Variants in GLIS3 observed in about 807,000 individuals in gnomAD.
The protein encoded by GLIS3 is zinc finger protein GLIS3.
In GLIS3, 53 loss-of-function variants were observed where a neutral mutation model predicts 78.6. That is an observed-to-expected ratio of 0.67 (90% confidence interval 0.54 to 0.85). The LOEUF is 0.85. Ranked by LOEUF, GLIS3 falls within the 40% of genes least tolerant of loss-of-function variation. The probability of loss-of-function intolerance (pLI) is 0.00; values close to 1 mark genes in which losing one functional copy is unlikely to be tolerated. For synonymous variants in GLIS3, 684 were observed against 509.9 expected, an observed-to-expected ratio of 1.34 and a Z score of -4.60; for missense variants, 1,703 against 1,231.1, an observed-to-expected ratio of 1.38 and a Z score of -5.74.
chr9:4,183,570 C>T (rs986822162), intron 2 of GLIS3, among the ~76,000 whole-genome samples: 2 of 152,150 alleles, frequency 1.3e-5, no homozygotes, highest in Non-Finnish European at 2.9e-5. Context: ...GCTGTGTGAC[C>T]TTATAAAGTC....
At chr9:4,057,367 T>A (rs1036991242) in intron 4 of GLIS3, among the ~76,000 whole-genome samples, 2 of 152,142 alleles carry the variant, frequency 1.3e-5, no homozygotes, top group Non-Finnish European at 2.9e-5. Flanking sequence ...AGGACTAAAT[T>A]CTCCCTGGGT....
chr9:3,921,564 G>A (rs1824889244), intron 6 of GLIS3, among the ~76,000 whole-genome samples: 1 of 152,158 alleles, frequency 6.6e-6, no homozygotes, highest in South Asian at 2.1e-4. Flanking sequence ...GGAATAATGA[G>A]TTGGCCTTTG....
the GLIS3 span, among the ~76,000 whole-genome samples, chr9:4,471,828 A>C: frequency 6.6e-6 from 1 of 152,174 alleles, no homozygotes; most frequent in Non-Finnish European, 1.5e-5. Flanking sequence ...CAACCTACAG[A>C]GTGGGAGAAA....
chr9:3,848,274 GTGGATCACC>G (rs1352853296), intron 9 of GLIS3, among the ~76,000 whole-genome samples: 1 of 152,206 alleles, frequency 6.6e-6, no homozygotes, highest in Admixed American at 6.5e-5. Context: ...GCCAAGGCAA[GTGGATCACC>G]TGGGCTCGGG....
the GLIS3 span, among the ~76,000 whole-genome samples, chr9:4,401,236 G>C: frequency 2.0e-5 from 3 of 152,014 alleles, no homozygotes; most frequent in African/African-American, 4.8e-5. Context: ...ACTGACAGAA[G>C]AGATCTTGGG....
chr9:4,036,722 T>C (rs554251621), intron 4 of GLIS3, among the ~76,000 whole-genome samples: 1 of 152,262 alleles, frequency 6.6e-6, no homozygotes, highest in African/African-American at 2.4e-5. Flanking sequence ...CCAAATTAAT[T>C]CCCACCATAG....
chr9:3,892,536 GGC>G (rs1436800254), intron 7 of GLIS3, among the ~76,000 whole-genome samples: 2 of 152,082 alleles, frequency 1.3e-5, no homozygotes, highest in East Asian at 3.9e-4. Context: ...TGTAAAATAT[GGC>G]AAGTAATATC....
the GLIS3 span, among the ~76,000 whole-genome samples, chr9:4,405,360 AAAAAG>A: frequency 2.4e-3 from 371 of 151,742 alleles, 3 homozygotes; most frequent in African/African-American, 8.4e-3. Flanking sequence ...ATCTTAAAAA[AAAAAG>A]AAAAAGAAAA....
chr9:4,173,561 TACACACACACACACACACACAC>T (rs34572625), intron 2 of GLIS3, among the ~76,000 whole-genome samples: 23 of 146,494 alleles, frequency 1.6e-4, no homozygotes, highest in East Asian at 4.1e-4. Context: ...TGTGTATAGA[TACACACACACACACACACACAC>T]ACACACACAC....
the GLIS3 span, among the ~76,000 whole-genome samples, chr9:4,414,574 G>A: frequency 2.0e-5 from 3 of 152,098 alleles, no homozygotes; most frequent in African/African-American, 7.2e-5. Flanking sequence ...GCCTGCTTCA[G>A]GATTGCCTGG....
In GLIS3 at chr9:4,207,643, C is replaced by T. The variant is rs566110114; in HGVS notation, c.388+78395G>A. Reference sequence around the variant, plus strand: ...TCTCCACAGCCCATACTATGTGTGACATAAGCATAATCGTACTCATTGTGC... The same window carrying T: ...TCTCCACAGCCCATACTATGTGTGATATAAGCATAATCGTACTCATTGTGC... On this transcript the variant is annotated intron_variant, in intron 2 of 10. Coordinates refer to ENST00000381971, the MANE Select transcript of GLIS3 (RefSeq NM_001042413.2). Among the ~76,000 whole-genome samples the T allele has an allele frequency of 1.1e-4, 16 of 152,282 alleles. No homozygotes were observed. In the East Asian group the frequency reaches 3.1e-3, roughly 29 times the overall value.
rs928056606 is a variant in GLIS3, at chr9:4,318,408, C to G, written n.265-7880G>C. On this transcript the variant is annotated intron_variant and non_coding_transcript_variant, in intron 2 of 4. Transcript: ENST00000471664. ...ACTAAAAGGAAGCACGGAGAAATGG[C>G]TGATTCCAGGACTAGGGCAGGGAAA... is the stretch of plus-strand genomic sequence containing the variant. Among the ~76,000 whole-genome samples the G allele has an allele frequency of 3.3e-5, 5 of 152,246 alleles. No individual in the cohort carries two copies. The South Asian group carries it at 8.3e-4, about 25-fold the overall frequency.
At chr9:3,837,532 T>C (rs1419833918) in intron 9 of GLIS3, among the ~76,000 whole-genome samples, 1 of 152,216 alleles carries the variant, frequency 6.6e-6, no homozygotes, top group African/African-American at 2.4e-5. Context: ...TTTCCTTCAG[T>C]AGGCAAACGA....
At chr9:3,993,622 G>A (rs1473879826) in intron 4 of GLIS3, among the ~76,000 whole-genome samples, 1 of 152,058 alleles carries the variant, frequency 6.6e-6, no homozygotes, top group East Asian at 1.9e-4. Context: ...GTCCACATAT[G>A]CCTACATATG....
chr9:3,959,846 C>T (rs931048807), intron 4 of GLIS3, among the ~76,000 whole-genome samples: 4 of 152,132 alleles, frequency 2.6e-5, no homozygotes, highest in East Asian at 3.9e-4. Context: ...TATGTGTGGT[C>T]CCTTTATAGA....
chr9:3,937,333 TC>T lies in GLIS3; in HGVS notation c.1711-145del. 4 of 799,764 alleles carry T rather than the reference TC, an allele frequency of 5.0e-6. No individual in the cohort carries two copies. In the South Asian group the frequency reaches 6.5e-5, roughly 13 times the overall value. The allele number at this position is 799,764 out of a possible 1,614,324, so 49.5% of individuals were successfully genotyped here. On this transcript the variant is annotated intron_variant, in intron 4 of 10. Transcript: ENST00000381971. ...AAATCCAAACAGTAATAAATATTGC[TC>T]CTAAAAATATCCGAATATTTATGTG...
chr9:3,915,191 A>T (rs764687465), intron 6 of GLIS3, among the ~76,000 whole-genome samples: 3 of 152,128 alleles, frequency 2.0e-5, no homozygotes, highest in Non-Finnish European at 4.4e-5. Flanking sequence ...AGTCATCTTC[A>T]TGTTTATCAT....
intron 9 of GLIS3, among the ~76,000 whole-genome samples, chr9:3,846,164 G>C (rs1819026583): frequency 6.6e-6 from 1 of 152,168 alleles, no homozygotes; most frequent in Non-Finnish European, 1.5e-5. Context: ...ACTGACAGCA[G>C]AATGTTAACC....
chr9:4,059,685 G>T (rs934167066), intron 4 of GLIS3, among the ~76,000 whole-genome samples: 1 of 152,066 alleles, frequency 6.6e-6, no homozygotes, highest in South Asian at 2.1e-4. Flanking sequence ...GTTAAGTTGG[G>T]CTACTTTCTT....
Sources: allele counts gnomAD v4.1 joint callset (sites outside exome capture counted in the v4.1 genomes callset), GRCh38; gene constraint gnomAD v4.1.1; transcripts MANE v1.5; gene names NCBI Gene and HGNC (gene_info 2026-07-23, HGNC 2026-07-21).